CDK14: variants seen among roughly 807,000 people sequenced by gnomAD.
CDK14 encodes cyclin-dependent kinase 14.
CDK14 carries 34 observed loss-of-function variants against 60.7 expected under a neutral mutation model. The ratio of observed to expected loss-of-function variants is 0.56; its 90% confidence interval spans 0.43 to 0.75. The LOEUF (loss-of-function observed/expected upper bound fraction) is 0.75. Among genes scored for constraint, CDK14 ranks in the 30% least tolerant of loss-of-function variants. The pLI, the probability that CDK14 is intolerant of heterozygous loss-of-function variation, is 0.00. For missense variants in CDK14, 482 were observed against 564.1 expected, an observed-to-expected ratio of 0.85 and a Z score of 1.47; for synonymous variants, 197 against 203.7, an observed-to-expected ratio of 0.97 and a Z score of 0.28.
intron 5 of CDK14, among the ~76,000 whole-genome samples, chr7:90,849,545 A>G (rs911159028): frequency 1.3e-5 from 2 of 152,100 alleles, no homozygotes; most frequent in Admixed American, 6.5e-5. Context: ...AGGTCCAGCA[A>G]TAATAGGGTA....
intron 11 of CDK14, among the ~76,000 whole-genome samples, chr7:91,059,658 A>T (rs1356857349): frequency 1.3e-5 from 2 of 152,182 alleles, no homozygotes; most frequent in Admixed American, 1.3e-4. Context: ...TCATTTCGTT[A>T]TGTACCCAGT....
chr7:90,787,205 G>T (rs940696779), intron 4 of CDK14, among the ~76,000 whole-genome samples: 1 of 152,122 alleles, frequency 6.6e-6, no homozygotes, highest in African/African-American at 2.4e-5. Context: ...TGAAGCAGTC[G>T]TAGAAAAGGG....
chr7:91,156,194 TTTG>T (rs1447430216), intron 14 of CDK14, among the ~76,000 whole-genome samples: 1 of 152,186 alleles, frequency 6.6e-6, no homozygotes, highest in Non-Finnish European at 1.5e-5. Flanking sequence ...TAAAGTACAA[TTTG>T]TTGTTTGTTT....
At chr7:90,757,384 G>T (rs1481327308) in intron 4 of CDK14, among the ~76,000 whole-genome samples, 2 of 151,682 alleles carry the variant, frequency 1.3e-5, no homozygotes, top group Non-Finnish European at 2.9e-5. Context: ...AATGCATTCT[G>T]AGGTGCTTGG....
At chr7:90,973,527 A>G (rs1186661127) in intron 9 of CDK14, among the ~76,000 whole-genome samples, 4 of 152,152 alleles carry the variant, frequency 2.6e-5, no homozygotes, top group African/African-American at 7.2e-5. Context: ...TGCATTATCT[A>G]CTGATATTGA....
intron 5 of CDK14, among the ~76,000 whole-genome samples, chr7:90,801,648 C>T (rs569663427): frequency 2.0e-5 from 3 of 152,298 alleles, no homozygotes; most frequent in African/African-American, 7.2e-5. Context: ...ATGTTCCAGG[C>T]TGTTCTGTTG....
chr7:91,079,900 C>T (rs1798435706), intron 12 of CDK14, among the ~76,000 whole-genome samples: 1 of 152,112 alleles, frequency 6.6e-6, no homozygotes, highest in African/African-American at 2.4e-5. Context: ...TCCCTTACGC[C>T]TTATTGGGAA....
Position 91,059,337 on chromosome 7 carries a change from G to T in CDK14, c.1105+13377G>T, listed in dbSNP as rs533175189. ...TTGCTAGCGGTCTATCAATTTTGTT[G>T]ATCTTTTCAAAAAACCAGCTCCTGG... On this transcript the variant is annotated intron_variant, in intron 11 of 14. Coordinates refer to ENST00000380050, the MANE Select transcript of CDK14 (RefSeq NM_001287135.2). Among the ~76,000 whole-genome samples, 18 of 151,992 alleles carry T rather than the reference G, an allele frequency of 1.2e-4. No homozygotes were observed. In the South Asian group the frequency reaches 2.9e-3, roughly 25 times the overall value.
At chr7:90,805,761 G>T (rs1010622393) in intron 5 of CDK14, among the ~76,000 whole-genome samples, 1 of 151,978 alleles carries the variant, frequency 6.6e-6, no homozygotes, top group Non-Finnish European at 1.5e-5. Flanking sequence ...CCAGCTTTTT[G>T]TAGAAATTGG....
intron 12 of CDK14, among the ~76,000 whole-genome samples, chr7:91,086,825 G>C (rs556968476): frequency 6.6e-6 from 1 of 152,244 alleles, no homozygotes; most frequent in South Asian, 2.1e-4. Context: ...CAAATTTATT[G>C]ATATCATTTT....
intron 14 of CDK14, among the ~76,000 whole-genome samples, chr7:91,125,368 A>G (rs561643438): frequency 6.6e-6 from 1 of 152,318 alleles, no homozygotes; most frequent in Non-Finnish European, 1.5e-5. Context: ...GACAAAGTTA[A>G]ACACTTTAGC....
chr7:90,684,609 C>A (rs1801391217), intron 2 of CDK14, among the ~76,000 whole-genome samples: 1 of 152,186 alleles, frequency 6.6e-6, no homozygotes, highest in Non-Finnish European at 1.5e-5. Flanking sequence ...TCTGTTCTTA[C>A]CTCTCCACCC....
chr7:90,923,247 C>T (rs1364673484), intron 8 of CDK14, among the ~76,000 whole-genome samples: 1 of 151,536 alleles, frequency 6.6e-6, no homozygotes, highest in African/African-American at 2.4e-5. Flanking sequence ...GTAGCTGGGA[C>T]TACAGGCGCC....
chr7:91,095,472 T>C (rs1798955616), intron 12 of CDK14, among the ~76,000 whole-genome samples: 1 of 152,244 alleles, frequency 6.6e-6, no homozygotes, highest in Non-Finnish European at 1.5e-5. Flanking sequence ...CCAATTTCAC[T>C]TGTTAGTATT....
At chr7:90,599,813 A>G (rs1483376322) in intron 1 of CDK14, among the ~76,000 whole-genome samples, 5 of 152,250 alleles carry the variant, frequency 3.3e-5, no homozygotes, top group Admixed American at 6.5e-5. Context: ...TGAAATGTAC[A>G]ATACTATTAT....
At chr7:90,768,394 T>G (rs993425338) in intron 4 of CDK14, among the ~76,000 whole-genome samples, 1 of 152,218 alleles carries the variant, frequency 6.6e-6, no homozygotes, top group Non-Finnish European at 1.5e-5. Context: ...TGGGTGTGTG[T>G]ATATTACAAA....
At chr7:90,824,763 A>G (rs1789665148) in intron 5 of CDK14, 1 of 152,210 alleles carries the variant, frequency 6.6e-6, no homozygotes, top group Non-Finnish European at 1.5e-5. Context: ...GTCAAGTGCA[A>G]CAAAGTAAGT....
chr7:90,821,621 A>G (rs1367818687), intron 5 of CDK14, among the ~76,000 whole-genome samples: 1 of 152,220 alleles, frequency 6.6e-6, no homozygotes, highest in African/African-American at 2.4e-5. Context: ...TAGCTGAAGG[A>G]TGGGTCTGTT....
At chr7:91,203,709 G>A (rs965886093) in intron 14 of CDK14, among the ~76,000 whole-genome samples, 1 of 152,222 alleles carries the variant, frequency 6.6e-6, no homozygotes, top group African/African-American at 2.4e-5. Context: ...CTCAACTGCT[G>A]TTTAAAGTAC....
Sources: allele counts gnomAD v4.1 joint callset (sites outside exome capture counted in the v4.1 genomes callset), GRCh38; gene constraint gnomAD v4.1.1; transcripts MANE v1.5; gene names NCBI Gene and HGNC (gene_info 2026-07-23, HGNC 2026-07-21).